The following ST3GAL2 variants were observed in gnomAD, a reference collection of about 807,000 sequenced individuals.
ST3GAL2 encodes ST3 beta-galactoside alpha-2,3-sialyltransferase 2.
Under a neutral mutation model 37.5 loss-of-function variants are expected in ST3GAL2, and 16 were observed. The observed-to-expected ratio is 0.43, with a 90% CI of 0.29 to 0.65. ST3GAL2 has a LOEUF of 0.65. ST3GAL2 is among the 30% of genes least tolerant of loss of function. The probability of loss-of-function intolerance (pLI) is 0.17; values close to 1 mark genes in which losing one functional copy is unlikely to be tolerated. For synonymous variants in ST3GAL2, 238 were observed against 202.9 expected, an observed-to-expected ratio of 1.17 and a Z score of -1.47; for missense variants, 383 against 487.8, an observed-to-expected ratio of 0.79 and a Z score of 2.02.
At chr16:70,429,865 A>G (rs1242044792) in intron 1 of ST3GAL2, among the ~76,000 whole-genome samples, 4 of 151,340 alleles carry the variant, frequency 2.6e-5, no homozygotes, top group African/African-American at 4.9e-5. Flanking sequence ...CTGGTCTTGA[A>G]CTCCTGACCT....
At chr16:70,410,239 C>CTTTTTTTTTT (rs1567672969) in intron 1 of ST3GAL2, among the ~76,000 whole-genome samples, 2 of 78,174 alleles carry the variant, frequency 2.6e-5, no homozygotes, top group African/African-American at 1.4e-4. Flanking sequence ...TCCACCCTCA[C>CTTTTTTTTTT]CTTTTTTTTT....
intron 1 of ST3GAL2, among the ~76,000 whole-genome samples, chr16:70,423,581 G>C (rs2151676466): frequency 6.6e-6 from 1 of 152,090 alleles, no homozygotes; most frequent in South Asian, 2.1e-4. Context: ...GACAACCTGG[G>C]TTCTTGCCTC....
chr16:70,380,120 TGA>T lies in ST3GAL2; in HGVS notation c.*1567_*1568del, dbSNP rs1429774415. 2.0e-5 allele frequency: 3 copies of T among 152,122 alleles called. No homozygotes were observed. The highest frequency in any genetic ancestry group is 2.1e-4 in the South Asian group (1 of 4,828). The allele number at this position is 152,122 out of a possible 1,614,324, so 9.4% of individuals were successfully genotyped here. A position where few individuals can be genotyped will look rare whatever the true frequency, so the allele number is the denominator to read the frequency against. ...AACGGTGGGGGAGGGGGGAGCGCCC[TGA>T]GAGAGGCATTCTACTAACCCCACCC... On this transcript the variant is annotated 3_prime_UTR_variant, in exon 7 of 7. Coordinates refer to ENST00000342907, the MANE Select transcript of ST3GAL2 (RefSeq NM_006927.4).
chr16:70,412,357 G>C (rs2047645234), intron 1 of ST3GAL2, among the ~76,000 whole-genome samples: 1 of 152,082 alleles, frequency 6.6e-6, no homozygotes, highest in South Asian at 2.1e-4. Flanking sequence ...TAACTCTCTT[G>C]GTCTGGTCAG....
rs560975172 is a variant in ST3GAL2 at position 70,399,005 on chromosome 16, T to TC, written c.-476dup. ...CCCGGCAGCGGGGAAGCCCTAGAAC[T>TC]CCAATCACAACAGAGAGCACAGGGG... On this transcript the variant is annotated 5_prime_UTR_variant, in exon 2 of 7. The change creates a premature stop within an existing upstream ORF in the 5' untranslated region. Coordinates refer to ENST00000342907, the MANE Select transcript of ST3GAL2 (RefSeq NM_006927.4). 555 of 414,240 alleles carry TC rather than the reference T, an allele frequency of 1.3e-3. No homozygotes were observed. The highest frequency in any genetic ancestry group is 1.7e-3 in the Non-Finnish European group (388 of 234,692). The allele number at this position is 414,240 out of a possible 1,614,324, so 25.7% of individuals were successfully genotyped here. A position where few individuals can be genotyped will look rare whatever the true frequency, so the allele number is the denominator to read the frequency against.
chr16:70,405,410 G>A (rs560022136), intron 1 of ST3GAL2, among the ~76,000 whole-genome samples: 3 of 151,782 alleles, frequency 2.0e-5, no homozygotes, highest in South Asian at 4.2e-4. Context: ...GCATGGTGGC[G>A]GGAGCCTGTA....
chr16:70,421,134 C>G (rs79926217), intron 1 of ST3GAL2, among the ~76,000 whole-genome samples: 11 of 152,350 alleles, frequency 7.2e-5, no homozygotes, highest in Non-Finnish European at 1.6e-4. Context: ...AGGACAGTGC[C>G]TGAGAGCCCA....
chr16:70,426,389 G>A (rs745829709), intron 1 of ST3GAL2, among the ~76,000 whole-genome samples: 7 of 151,258 alleles, frequency 4.6e-5, no homozygotes, highest in African/African-American at 7.3e-5. Context: ...TCGTAGACAC[G>A]GGGTTTCACC....
At chr16:70,387,257 A>C (rs1003867904) in intron 4 of ST3GAL2, among the ~76,000 whole-genome samples, 2 of 150,136 alleles carry the variant, frequency 1.3e-5, no homozygotes, top group African/African-American at 4.9e-5. Flanking sequence ...CTCCGTTTCA[A>C]AAGAAATTAA....
intron 2 of ST3GAL2, among the ~76,000 whole-genome samples, chr16:70,395,844 G>T (rs1323684691): frequency 6.6e-6 from 1 of 152,204 alleles, no homozygotes; most frequent in Admixed American, 6.5e-5. Flanking sequence ...TCTGAGCCCC[G>T]GCAAAGAGAG....
chr16:70,395,002 G>A lies in ST3GAL2; in HGVS notation c.513C>T (p.Asp171=), dbSNP rs146471525. 4.6e-5 allele frequency: 75 copies of A among 1,613,378 alleles called. No individual in the cohort carries two copies. In the Middle Eastern group the frequency reaches 5.0e-4, roughly 11 times the overall value. Residue 171 remains aspartate (D), a synonymous_variant, in exon 3 of 7, where the codon GAC becomes GAT. Coordinates refer to ENST00000342907, the MANE Select transcript of ST3GAL2 (RefSeq NM_006927.4). ...CTCACCTCATGATGAAGTTGTGCCC[G>A]TCCACGTCCTGCCCATAGCCAGAGC... ...LRGSGYGQDV[D]GHNFIMRMNQ...
At position 70,398,243 on chromosome 16, in the gene ST3GAL2, G is replaced by C; in HGVS notation, c.288C>G (p.Val96=). Residue 96 remains valine, a synonymous_variant, in exon 2 of 7, where the codon GTC becomes GTG. Transcript: ENST00000342907. The part of the protein sequence containing the change: ...DSHFDGNISP[V]WTRENMDLPP... ...GAAGATCCATGTTCTCTCGGGTCCA[G>C]ACGGGGGAAATGTTACCGTCAAAGT... is the stretch of plus-strand genomic sequence containing the variant. 6.2e-7 allele frequency: 1 copy of C among 1,613,464 alleles called. No individual in the cohort carries two copies. Among genetic ancestry groups the C allele is most frequent in the Non-Finnish European group, 8.5e-7 (1 of 1,180,044 alleles).
At position 70,382,787 on chromosome 16, in the gene ST3GAL2, C is replaced by T. The variant is rs1393117708; in HGVS notation, c.879+18G>A. The T allele has an allele frequency of 6.2e-7, 1 of 1,613,866 alleles. No individual in the cohort carries two copies. Among genetic ancestry groups the T allele is most frequent in the South Asian group, 1.1e-5 (1 of 91,062 alleles). ...CTGTTCCATGGGTTCCCACCACCCA[C>T]ACCACGGGCCTACCCACCTCATCAC... On this transcript the variant is annotated intron_variant, in intron 6 of 6. Coordinates refer to ENST00000342907, the MANE Select transcript of ST3GAL2 (RefSeq NM_006927.4).
At chr16:70,391,417 C>T (rs1042156796) in intron 3 of ST3GAL2, among the ~76,000 whole-genome samples, 4 of 152,184 alleles carry the variant, frequency 2.6e-5, no homozygotes, top group African/African-American at 9.7e-5. Flanking sequence ...AGTGAACTGC[C>T]CCTTTGAGCC....
intron 1 of ST3GAL2, among the ~76,000 whole-genome samples, chr16:70,424,791 C>T (rs1018001031): frequency 6.6e-5 from 10 of 152,116 alleles, no homozygotes; most frequent in Non-Finnish European, 1.5e-4. Flanking sequence ...TGGCCACATG[C>T]AGGGAAAATG....
At chr16:70,438,698 G>A (rs1305848689) in intron 1 of ST3GAL2, among the ~76,000 whole-genome samples, 1 of 152,148 alleles carries the variant, frequency 6.6e-6, no homozygotes, top group African/African-American at 2.4e-5. Flanking sequence ...GCAAAGGAGC[G>A]GAGCGGGAGC....
chr16:70,402,409 G>A (rs1482423630), intron 1 of ST3GAL2, among the ~76,000 whole-genome samples: 2 of 151,076 alleles, frequency 1.3e-5, no homozygotes, highest in South Asian at 2.1e-4. Context: ...ACATTATATC[G>A]AGCAAAAAGA....
At chr16:70,427,341 T>C (rs979378122) in intron 1 of ST3GAL2, among the ~76,000 whole-genome samples, 4 of 148,714 alleles carry the variant, frequency 2.7e-5, no homozygotes, top group African/African-American at 4.9e-5. Context: ...CAGTCTTCTT[T>C]TTTTTTTTTT....
intron 1 of ST3GAL2, among the ~76,000 whole-genome samples, chr16:70,428,325 A>C (rs552340420): frequency 6.6e-6 from 1 of 152,314 alleles, no homozygotes; most frequent in African/African-American, 2.4e-5. Flanking sequence ...AGCAGCACCA[A>C]CTCAACTGTC....
Sources: allele counts gnomAD v4.1 joint callset (sites outside exome capture counted in the v4.1 genomes callset), GRCh38; gene constraint gnomAD v4.1.1; transcripts MANE v1.5; gene names NCBI Gene and HGNC (gene_info 2026-07-23, HGNC 2026-07-21).